UNC13C: variants seen among roughly 807,000 people sequenced by gnomAD.
The protein encoded by UNC13C is protein unc-13 homolog C.
In UNC13C, 174 loss-of-function variants were observed where a neutral mutation model predicts 245.4. The observed-to-expected ratio is 0.71, with a 90% CI of 0.63 to 0.80. The LOEUF is 0.80. Ranked by LOEUF, UNC13C falls within the 30% of genes least tolerant of loss-of-function variation. The pLI, the probability that UNC13C is intolerant of heterozygous loss-of-function variation, is 0.00. For synonymous variants in UNC13C, 992 were observed against 895.1 expected (o/e 1.11, Z -1.93); for missense variants, 2,829 against 2,602.9 (o/e 1.09, Z -1.89).
chr15:54,173,454 TCA>T (rs1474933212), intron 4 of UNC13C, among the ~76,000 whole-genome samples: 6 of 152,146 alleles, frequency 3.9e-5, no homozygotes, highest in Non-Finnish European at 8.8e-5. Context: ...TAAATTTATC[TCA>T]AAGTATTTTA....
chr15:53,946,223 A>G, the UNC13C span, among the ~76,000 whole-genome samples: 2 of 151,968 alleles, frequency 1.3e-5, no homozygotes, highest in South Asian at 4.2e-4. Context: ...GATGCCCTTT[A>G]TTTCTTTATC....
At chr15:54,513,596 T>C (rs72738430) in intron 24 of UNC13C, among the ~76,000 whole-genome samples, 2,060 of 152,274 alleles carry the variant, frequency 0.014, 14 homozygotes, top group Middle Eastern at 0.024. Flanking sequence ...TTCAAATAGA[T>C]GACTAAACCA....
intron 30 of UNC13C, among the ~76,000 whole-genome samples, chr15:54,617,151 T>C (rs1900494574): frequency 6.6e-6 from 1 of 152,114 alleles, no homozygotes; most frequent in Non-Finnish European, 1.5e-5. Context: ...ATGCCCGTCA[T>C]TAAGTGACAT....
At chr15:54,018,099 C>A (rs555305309) in intron 2 of UNC13C, among the ~76,000 whole-genome samples, 38 of 152,240 alleles carry the variant, frequency 2.5e-4, no homozygotes, top group African/African-American at 7.9e-4. Flanking sequence ...CCTGTGCCAC[C>A]CATATGCCTC....
intron 17 of UNC13C, among the ~76,000 whole-genome samples, chr15:54,356,981 T>G (rs2039110222): frequency 6.6e-6 from 1 of 152,134 alleles, no homozygotes; most frequent in South Asian, 2.1e-4. Flanking sequence ...TTAAGGAAAT[T>G]GCACTTTGTC....
In UNC13C at chr15:54,466,554, T is replaced by A. The variant is rs761168287; in HGVS notation, c.4934-28054T>A. The stretch of plus-strand genomic sequence containing the variant: ...GTTGGAGATGAACTTCAGGCTGAAT[T>A]TGCCTGTGGAAGTAAATTGATCTTG... On this transcript the variant is annotated intron_variant, in intron 19 of 32. Coordinates refer to ENST00000260323, the MANE Select transcript of UNC13C (RefSeq NM_001080534.3). Among the ~76,000 whole-genome samples the A allele has an allele frequency of 6.6e-4, 101 of 151,900 alleles. 2 individuals are homozygous for A. The highest frequency in any genetic ancestry group is 2.9e-5 in the Non-Finnish European group (2 of 67,816).
the UNC13C span, among the ~76,000 whole-genome samples, chr15:53,883,152 T>C: frequency 6.6e-6 from 1 of 152,140 alleles, no homozygotes; most frequent in Non-Finnish European, 1.5e-5. Flanking sequence ...TAATAGTGAA[T>C]CAGCAATTGA....
chr15:54,234,782 C>T (rs561059861), intron 4 of UNC13C, among the ~76,000 whole-genome samples: 3 of 152,272 alleles, frequency 2.0e-5, no homozygotes, highest in East Asian at 1.9e-4. Flanking sequence ...TGTGTCCATC[C>T]AGGCCATGTA....
chr15:53,935,168 CCT>C, the UNC13C span, among the ~76,000 whole-genome samples: 1 of 146,518 alleles, frequency 6.8e-6, no homozygotes, highest in African/African-American at 2.5e-5. Context: ...AAAAAAAAAA[CCT>C]CTTTCAATGG....
At chr15:54,345,410 AG>A (rs2038837210) in intron 17 of UNC13C, among the ~76,000 whole-genome samples, 1 of 152,194 alleles carries the variant, frequency 6.6e-6, no homozygotes, top group South Asian at 2.1e-4. Context: ...GTCATGTGGC[AG>A]GATCCCAGAT....
chr15:54,119,978 A>G (rs1313206469), intron 2 of UNC13C, among the ~76,000 whole-genome samples: 2 of 152,166 alleles, frequency 1.3e-5, no homozygotes, highest in East Asian at 3.9e-4. Context: ...TCATGGAGTT[A>G]AAGGAAAAAG....
At chr15:54,610,245 T>A (rs970130568) in intron 30 of UNC13C, among the ~76,000 whole-genome samples, 2 of 151,326 alleles carry the variant, frequency 1.3e-5, no homozygotes, top group Non-Finnish European at 3.0e-5. Flanking sequence ...TGTCTTTAGC[T>A]TTTTTTTTGA....
Position 54,231,414 on chromosome 15 carries a change from G to A in UNC13C, c.3072-3616G>A, listed in dbSNP as rs74215547. Among the ~76,000 whole-genome samples, 508 of 152,038 alleles carry A rather than the reference G, an allele frequency of 3.3e-3. 20 individuals are homozygous for A. In the East Asian group the frequency reaches 0.064, roughly 19 times the overall value. On this transcript the variant is annotated intron_variant, in intron 4 of 32. Transcript: ENST00000260323. The stretch of plus-strand genomic sequence containing the variant: ...CCCAATCAGATAAGCAGTGGAGCAC[G>A]GTAAGTCATAAACTGTGGGCTCAAA...
intron 16 of UNC13C, among the ~76,000 whole-genome samples, chr15:54,336,969 G>T (rs769295797): frequency 1.3e-5 from 2 of 152,048 alleles, no homozygotes; most frequent in African/African-American, 2.4e-5. Context: ...GATTTTAATT[G>T]AGATTGCCTT....
At position 54,054,396 on chromosome 15, in the gene UNC13C, A is replaced by C. The variant is rs544925593; in HGVS notation, c.2983+38510A>C. Among the ~76,000 whole-genome samples the C allele has an allele frequency of 2.0e-5, 3 of 152,308 alleles. No homozygotes were observed. The South Asian group carries it at 6.2e-4, about 32-fold the overall frequency. On this transcript the variant is annotated intron_variant, in intron 2 of 32. Coordinates refer to ENST00000260323, the MANE Select transcript of UNC13C (RefSeq NM_001080534.3). ...TGATTTGTCTATGCATCCTGCTATC[A>C]TAATACCTATCTTAAGGCTGCCCTC...
chr15:53,889,066 G>GT, the UNC13C span, among the ~76,000 whole-genome samples: 7 of 152,206 alleles, frequency 4.6e-5, no homozygotes, highest in South Asian at 2.1e-4. Context: ...GTTTAAAGTA[G>GT]TTTTTTCCCA....
At chr15:54,060,407 A>T (rs980240362) in intron 2 of UNC13C, among the ~76,000 whole-genome samples, 1 of 152,158 alleles carries the variant, frequency 6.6e-6, no homozygotes, top group African/African-American at 2.4e-5. Flanking sequence ...GCAAATCAAA[A>T]CCACAATGAG....
At chr15:54,377,628 C>A (rs568813903) in intron 17 of UNC13C, among the ~76,000 whole-genome samples, 26 of 152,256 alleles carry the variant, frequency 1.7e-4, no homozygotes, top group African/African-American at 6.3e-4. Context: ...GTTCTGAGGC[C>A]AGGAAGTTCA....
intron 18 of UNC13C, among the ~76,000 whole-genome samples, chr15:54,412,161 G>A (rs978427683): frequency 9.9e-5 from 15 of 151,628 alleles, no homozygotes; most frequent in Non-Finnish European, 2.9e-5. Flanking sequence ...AGCCAAGATC[G>A]CACAACCGCA....
Sources: allele counts gnomAD v4.1 joint callset (sites outside exome capture counted in the v4.1 genomes callset), GRCh38; gene constraint gnomAD v4.1.1; transcripts MANE v1.5; gene names NCBI Gene and HGNC (gene_info 2026-07-23, HGNC 2026-07-21).